The following PRSS38 variants were observed in gnomAD, a reference collection of about 807,000 sequenced individuals.
The protein encoded by PRSS38 is serine protease 38.
PRSS38 carries 22 observed loss-of-function variants against 26.8 expected under a neutral mutation model. The ratio of observed to expected loss-of-function variants is 0.82; its 90% CI spans 0.59 to 1.17. The LOEUF is 1.17. Ranked by LOEUF, PRSS38 falls within the 50% of genes most tolerant of loss-of-function variation. The probability of loss-of-function intolerance (pLI) is 0.00; values close to 1 mark genes in which losing one functional copy is unlikely to be tolerated. For synonymous variants in PRSS38, 175 were observed against 172.1 expected (o/e 1.02, Z -0.13); for missense variants, 427 against 422.7 (o/e 1.01, Z -0.09).
At chr1:227,845,043 C>T (rs1665402322) in intron 3 of PRSS38, among the ~76,000 whole-genome samples, 1 of 148,660 alleles carries the variant, frequency 6.7e-6, no homozygotes, top group Admixed American at 6.7e-5. Context: ...GGGCTCTTCC[C>T]TATGTGTGGT....
intron 3 of PRSS38, among the ~76,000 whole-genome samples, chr1:227,831,409 G>A (rs1393723400): frequency 6.6e-6 from 1 of 152,056 alleles, no homozygotes; most frequent in Non-Finnish European, 1.5e-5. Flanking sequence ...TGAACTTATG[G>A]AGACATGTAC....
At chr1:227,821,121 A>G (rs1320169449) in intron 3 of PRSS38, among the ~76,000 whole-genome samples, 1 of 152,200 alleles carries the variant, frequency 6.6e-6, no homozygotes, top group Non-Finnish European at 1.5e-5. Flanking sequence ...CTCACTTATG[A>G]GTGAGAACAT....
At chr1:227,846,374 GA>G (rs555789810) in exon 5 of PRSS38, 6 of 852,144 alleles carry the variant, frequency 7.0e-6, no homozygotes. Context: ...GTGTACAAAA[GA>G]AAAAAGGGAA....
Position 227,844,612 on chromosome 1 carries a change from G to T in PRSS38, c.584-858G>T, listed in dbSNP as rs186607343. 4.5e-3 allele frequency among the ~76,000 whole-genome samples: 660 copies of T among 147,168 alleles called. 6 individuals carry two copies. The highest frequency in any genetic ancestry group is 5.6e-3 in the Non-Finnish European group (377 of 67,682). On this transcript the variant is annotated intron_variant, in intron 3 of 4. Transcript: ENST00000366757. Reference sequence around the variant, plus strand: ...GTAGTGGGGCTCTTCCCTATGTGTGGTGGGGCTCCTCCCTATGTGTGGTGG... The same window carrying T: ...GTAGTGGGGCTCTTCCCTATGTGTGTTGGGGCTCCTCCCTATGTGTGGTGG...
chr1:227,815,775 T>A, exon 1 of PRSS38: 2 of 1,611,984 alleles, frequency 1.2e-6, no homozygotes, highest in Non-Finnish European at 1.7e-6. Context: ...GGCCTTCTGC[T>A]GCTGCTCCTG....
chr1:227,834,643 T>C (rs1361398956), intron 3 of PRSS38, among the ~76,000 whole-genome samples: 1 of 147,912 alleles, frequency 6.8e-6, no homozygotes, highest in Non-Finnish European at 1.5e-5. Context: ...CACTCCAGCC[T>C]GGGCAACAGA....
exon 3 of PRSS38, chr1:227,817,414 A>C: frequency 6.2e-7 from 1 of 1,613,886 alleles, no homozygotes. Context: ...TTGCCTTGCA[A>C]CTCCAGAAGT....
Position 227,816,622 on chromosome 1 carries a change from CGACCAGG to C in PRSS38, c.311+371_311+377del, listed in dbSNP as rs1487201022. ...GTGCAAGGCTGGTCCCCTAAGTGCA[CGACCAGG>C]TCCCCACGAGTGAGGCTGGTCCTCA... On this transcript the variant is annotated intron_variant, in intron 2 of 4. Transcript: ENST00000366757. This position sits in a 1 kb window ranked among gnomAD's most constrained non-coding sequence, Gnocchi z 5.1. 6.6e-6 allele frequency among the ~76,000 whole-genome samples: 1 copy of C among 151,608 alleles called. No individual in the cohort carries two copies. The highest frequency in any genetic ancestry group is 2.4e-5 in the African/African-American group (1 of 41,246).
intron 3 of PRSS38, among the ~76,000 whole-genome samples, chr1:227,837,799 T>C (rs1293274685): frequency 6.6e-6 from 1 of 152,244 alleles, no homozygotes; most frequent in African/African-American, 2.4e-5. Flanking sequence ...ACTCATGTCA[T>C]GGCCTCTTCT....
intron 3 of PRSS38, among the ~76,000 whole-genome samples, chr1:227,845,137 C>A (rs866791286): frequency 4.3e-5 from 3 of 69,176 alleles, no homozygotes; most frequent in Non-Finnish European, 8.2e-5. Context: ...CCTCCCTATG[C>A]GTGGTGGGGC....
intron 3 of PRSS38, among the ~76,000 whole-genome samples, chr1:227,843,033 G>A (rs976573052): frequency 2.0e-5 from 3 of 152,158 alleles, no homozygotes; most frequent in African/African-American, 4.8e-5. Context: ...AGACTTCACC[G>A]TCTCTAATGA....
At chr1:227,830,457 G>A (rs1441526122) in intron 3 of PRSS38, among the ~76,000 whole-genome samples, 1 of 146,660 alleles carries the variant, frequency 6.8e-6, no homozygotes, top group Non-Finnish European at 1.5e-5. Flanking sequence ...TTATACAGGT[G>A]TATTCAGATT....
At chr1:227,834,691 G>A (rs1271013477) in intron 3 of PRSS38, among the ~76,000 whole-genome samples, 6 of 151,504 alleles carry the variant, frequency 4.0e-5, no homozygotes, top group African/African-American at 1.2e-4. Context: ...TTAGCTGGGC[G>A]TGGTGGCGAG....
intron 3 of PRSS38, among the ~76,000 whole-genome samples, chr1:227,817,825 G>C (rs76427582): frequency 0.011 from 1,695 of 152,242 alleles, 39 homozygotes; most frequent in African/African-American, 0.038. Flanking sequence ...CTCCAGAAAG[G>C]CCTGTGCATT....
chr1:227,841,468 C>T (rs1665336914), intron 3 of PRSS38, among the ~76,000 whole-genome samples: 1 of 152,216 alleles, frequency 6.6e-6, no homozygotes, highest in Admixed American at 6.5e-5. Context: ...GGGAAGGGGA[C>T]CCACTAGTGC....
At chr1:227,817,378 G>A in exon 3 of PRSS38, 1 of 1,614,214 alleles carries the variant, frequency 6.2e-7, no homozygotes, top group South Asian at 1.1e-5. Flanking sequence ...GACCCGCATT[G>A]TGTTTTCTGA....
chr1:227,836,911 T>A (rs1355609725), intron 3 of PRSS38, among the ~76,000 whole-genome samples: 1 of 152,218 alleles, frequency 6.6e-6, no homozygotes, highest in African/African-American at 2.4e-5. Context: ...ACAATGAATT[T>A]TTAAAGCAAA....
At chr1:227,823,998 G>C (rs1017015644) in intron 3 of PRSS38, among the ~76,000 whole-genome samples, 2 of 152,140 alleles carry the variant, frequency 1.3e-5, no homozygotes, top group Non-Finnish European at 2.9e-5. Flanking sequence ...TTGAATGGTA[G>C]CTCTATTTTT....
At chr1:227,841,744 G>A (rs1031997922) in intron 3 of PRSS38, among the ~76,000 whole-genome samples, 1 of 152,126 alleles carries the variant, frequency 6.6e-6, no homozygotes, top group Admixed American at 6.6e-5. Flanking sequence ...CCCAGTAACA[G>A]CCCTCAATCT....
Sources: gnomAD v4.1 joint callset for allele counts (sites outside exome capture counted in the v4.1 genomes callset) on GRCh38, gnomAD v4.1.1 for gene constraint, Gnocchi (gnomAD v3.1) non-coding constraint, MANE v1.5 for transcripts, NCBI Gene and HGNC (gene_info 2026-07-23, HGNC 2026-07-21) for gene names.